NALF1: variants seen among roughly 807,000 people sequenced by gnomAD.
NALF1 encodes family with sequence similarity 155 member A.
Under a neutral mutation model 48.4 loss-of-function variants are expected in NALF1, and 3 were observed. The ratio of observed to expected loss-of-function variants is 0.06; its 90% confidence interval spans 0.03 to 0.16. NALF1 has a LOEUF of 0.16. Among genes scored for constraint, NALF1 ranks in the 10% least tolerant of loss-of-function variants. The pLI is 1.00. For synonymous variants in NALF1, 262 were observed against 245.7 expected, an observed-to-expected ratio of 1.07 and a Z score of -0.62; for missense variants, 526 against 571.5, an observed-to-expected ratio of 0.92 and a Z score of 0.81.
intron 1 of NALF1, among the ~76,000 whole-genome samples, chr13:107,789,588 C>T (rs1443088254): frequency 6.6e-6 from 1 of 152,124 alleles, no homozygotes; most frequent in African/African-American, 2.4e-5. Context: ...AATGGCTACA[C>T]CCCAAACACC....
At chr13:107,242,279 G>A (rs925413173) in intron 1 of NALF1, among the ~76,000 whole-genome samples, 5 of 152,298 alleles carry the variant, frequency 3.3e-5, no homozygotes, top group East Asian at 1.9e-4. Flanking sequence ...GCAAGCAGCC[G>A]AGTGTCCTCA....
chr13:107,645,680 C>CAAAAAAAAAAA (rs56187783), intron 1 of NALF1, among the ~76,000 whole-genome samples: 1 of 132,502 alleles, frequency 7.5e-6, no homozygotes. Flanking sequence ...TACTGGGAGA[C>CAAAAAAAAAAA]AAAAAAAAAA....
At chr13:107,624,825 A>AG (rs1879623762) in intron 1 of NALF1, among the ~76,000 whole-genome samples, 2 of 152,302 alleles carry the variant, frequency 1.3e-5, no homozygotes, top group Non-Finnish European at 2.9e-5. Flanking sequence ...CTAATAAAGG[A>AG]GGGGGGTGCA....
In NALF1 at chr13:107,862,480, C is replaced by T. The variant is rs571790713; in HGVS notation, c.915+3202G>A. On this transcript the variant is annotated intron_variant, in intron 1 of 2. Coordinates refer to ENST00000375915, the MANE Select transcript of NALF1 (RefSeq NM_001080396.3). The stretch of plus-strand genomic sequence containing the variant: ...TGTAAACTACAGGGGAAAATTTCTG[C>T]TGTAGTATTTACTACTCAATTTATG... 7.2e-5 allele frequency among the ~76,000 whole-genome samples: 11 copies of T among 152,126 alleles called. No homozygotes were observed. The East Asian group carries it at 2.1e-3, about 29-fold the overall frequency.
chr13:107,759,345 A>G (rs1344217744), intron 1 of NALF1, among the ~76,000 whole-genome samples: 1 of 152,128 alleles, frequency 6.6e-6, no homozygotes, highest in East Asian at 1.9e-4. Context: ...AGTAGCTAGG[A>G]CTACAGGTGC....
intron 1 of NALF1, among the ~76,000 whole-genome samples, chr13:107,701,068 A>G (rs1365644428): frequency 1.3e-5 from 2 of 152,184 alleles, no homozygotes; most frequent in Non-Finnish European, 2.9e-5. Context: ...TGTGAAAAGC[A>G]GTATAGAGCT....
chr13:107,459,640 G>A (rs1291925258), intron 1 of NALF1, among the ~76,000 whole-genome samples: 1 of 152,134 alleles, frequency 6.6e-6, no homozygotes, highest in African/African-American at 2.4e-5. Context: ...AAGCCACACA[G>A]GCCCTGAAGC....
chr13:107,629,182 A>G (rs1055346370), intron 1 of NALF1, among the ~76,000 whole-genome samples: 1 of 152,218 alleles, frequency 6.6e-6, no homozygotes, highest in African/African-American at 2.4e-5. Context: ...ATGCATATTT[A>G]TACTAATAGT....
At chr13:107,408,520 T>C (rs1883937386) in intron 1 of NALF1, among the ~76,000 whole-genome samples, 1 of 152,130 alleles carries the variant, frequency 6.6e-6, no homozygotes, top group African/African-American at 2.4e-5. Context: ...TAGTTGATTG[T>C]AATCGCTGCT....
At chr13:107,768,968 T>C (rs553185492) in intron 1 of NALF1, among the ~76,000 whole-genome samples, 5 of 152,014 alleles carry the variant, frequency 3.3e-5, no homozygotes, top group African/African-American at 1.2e-4. Flanking sequence ...ATCAGAGAAA[T>C]GCAAATCAAA....
chr13:107,483,963 T>G (rs1451083943), intron 1 of NALF1, among the ~76,000 whole-genome samples: 2 of 152,080 alleles, frequency 1.3e-5, no homozygotes, highest in African/African-American at 4.8e-5. Context: ...ATAGTTACTA[T>G]TGGTATTATT....
chr13:107,336,476 A>G (rs1227705734), intron 1 of NALF1, among the ~76,000 whole-genome samples: 1 of 152,088 alleles, frequency 6.6e-6, no homozygotes, highest in African/African-American at 2.4e-5. Context: ...ATTCTTATCT[A>G]TATTTATTTG....
At chr13:107,342,082 T>C (rs1019143106) in intron 1 of NALF1, among the ~76,000 whole-genome samples, 1 of 152,190 alleles carries the variant, frequency 6.6e-6, no homozygotes, top group African/African-American at 2.4e-5. Flanking sequence ...TATCAAATAC[T>C]ATAGATTTTG....
intron 1 of NALF1, among the ~76,000 whole-genome samples, chr13:107,273,148 A>G (rs900854147): frequency 6.6e-6 from 1 of 152,220 alleles, no homozygotes; most frequent in Non-Finnish European, 1.5e-5. Flanking sequence ...GCACTCCCCC[A>G]ATACACAGAA....
chr13:107,325,354 A>G (rs960341466), intron 1 of NALF1, among the ~76,000 whole-genome samples: 29 of 152,256 alleles, frequency 1.9e-4, no homozygotes, highest in African/African-American at 7.0e-4. Flanking sequence ...TTTCACATCT[A>G]TTTTAAAGTT....
At chr13:107,489,485 G>C (rs1013123506) in intron 1 of NALF1, among the ~76,000 whole-genome samples, 1 of 151,670 alleles carries the variant, frequency 6.6e-6, no homozygotes, top group Non-Finnish European at 1.5e-5. Flanking sequence ...ACACTATCTG[G>C]TCTCTGACAA....
intron 1 of NALF1, among the ~76,000 whole-genome samples, chr13:107,629,781 CTT>C (rs773526748): frequency 1.1e-4 from 17 of 152,120 alleles, no homozygotes; most frequent in Non-Finnish European, 2.2e-4. Flanking sequence ...AAGATATTCT[CTT>C]AAATATATTA....
chr13:107,776,546 G>T (rs914287874), intron 1 of NALF1, among the ~76,000 whole-genome samples: 2 of 152,090 alleles, frequency 1.3e-5, no homozygotes, highest in African/African-American at 4.8e-5. Context: ...CTCTCAAACT[G>T]CACCATATCC....
intron 1 of NALF1, among the ~76,000 whole-genome samples, chr13:107,802,009 T>A (rs552841800): frequency 2.3e-4 from 35 of 152,280 alleles, no homozygotes; most frequent in African/African-American, 6.7e-4. Flanking sequence ...GGAAATTTTT[T>A]AAAAAGAAAG....
Sources: gnomAD v4.1 joint callset for allele counts (sites outside exome capture counted in the v4.1 genomes callset) on GRCh38, gnomAD v4.1.1 for gene constraint, MANE v1.5 for transcripts, NCBI Gene and HGNC (gene_info 2026-07-23, HGNC 2026-07-21) for gene names.